Variants in FERMT2 observed in about 807,000 individuals in gnomAD.
FERMT2 encodes fermitin family homolog 2.
FERMT2 carries 15 observed loss-of-function variants against 82.7 expected under a neutral mutation model. That is an observed-to-expected ratio of 0.18 (90% CI 0.12 to 0.28). The LOEUF is 0.28. Among genes scored for constraint, FERMT2 ranks in the 10% least tolerant of loss-of-function variants. FERMT2 has a pLI of 1.00. For missense variants in FERMT2, 645 were observed against 809.4 expected (o/e 0.80, Z 2.46); for synonymous variants, 274 against 271.5 (o/e 1.01, Z -0.09).
chr14:52,877,574 C>CTTTTTTGTTTT (rs1886041963), intron 7 of FERMT2, among the ~76,000 whole-genome samples: 1 of 67,062 alleles, frequency 1.5e-5, no homozygotes, highest in Non-Finnish European at 2.5e-5. Context: ...GCTGTTCTTG[C>CTTTTTTGTTTT]TTTTTTTTTT....
intron 10 of FERMT2, among the ~76,000 whole-genome samples, chr14:52,869,503 C>A (rs1424967337): frequency 1.3e-5 from 2 of 152,130 alleles, no homozygotes; most frequent in African/African-American, 4.8e-5. Context: ...CGACAATGCC[C>A]TCATAAGACT....
At chr14:52,874,350 ATTT>A in intron 8 of FERMT2, 124 bp from the exon 9 acceptor site, 1 of 541,734 alleles carries the variant, frequency 1.8e-6, no homozygotes, top group Non-Finnish European at 3.1e-6. Flanking sequence ...AATGATAAAG[ATTT>A]AAACAACAAA....
chr14:52,923,989 TC>T (rs1196259857), intron 2 of FERMT2, among the ~76,000 whole-genome samples: 2 of 152,138 alleles, frequency 1.3e-5, no homozygotes, highest in East Asian at 3.9e-4. Flanking sequence ...TCAGTAGCAT[TC>T]CTGAAGACTC....
At chr14:52,913,986 T>C (rs1293462323) in intron 3 of FERMT2, among the ~76,000 whole-genome samples, 1 of 152,084 alleles carries the variant, frequency 6.6e-6, no homozygotes, top group Non-Finnish European at 1.5e-5. Context: ...TGTCTGTCTC[T>C]GCGTGATCTT....
At chr14:52,869,318 A>T (rs940150639) in intron 10 of FERMT2, among the ~76,000 whole-genome samples, 1 of 152,218 alleles carries the variant, frequency 6.6e-6, no homozygotes, top group Non-Finnish European at 1.5e-5. Flanking sequence ...TCTATTTTTT[A>T]AAAATTTGTG....
At chr14:52,880,343 T>G (rs1886214065) in intron 6 of FERMT2, among the ~76,000 whole-genome samples, 1 of 152,208 alleles carries the variant, frequency 6.6e-6, no homozygotes, top group Non-Finnish European at 1.5e-5. Flanking sequence ...TTTTGAAACT[T>G]TTATTTAAAT....
At chr14:52,892,227 C>T (rs1289135469) in intron 4 of FERMT2, among the ~76,000 whole-genome samples, 2 of 148,202 alleles carry the variant, frequency 1.3e-5, no homozygotes, top group African/African-American at 2.5e-5. Flanking sequence ...CTGCAACCTC[C>T]GCCTCCTGGG....
chr14:52,861,222 G>A (rs1041865394), intron 12 of FERMT2: 18 of 562,224 alleles, frequency 3.2e-5, no homozygotes, highest in Non-Finnish European at 5.3e-5. Flanking sequence ...AAATGAAAAT[G>A]AGGAAGCAGC....
chr14:52,934,923 C>G (rs988591613), intron 2 of FERMT2, among the ~76,000 whole-genome samples: 1 of 152,206 alleles, frequency 6.6e-6, no homozygotes, highest in Non-Finnish European at 1.5e-5. Flanking sequence ...TGGCCAATCA[C>G]AGATAGACTT....
At chr14:52,874,969 G>A (rs1885865321) in intron 8 of FERMT2, among the ~76,000 whole-genome samples, 1 of 152,096 alleles carries the variant, frequency 6.6e-6, no homozygotes, top group South Asian at 2.1e-4. Context: ...GTAGGAAATG[G>A]CTTGAGCCCT....
chr14:52,881,552 G>T, intron 4 of FERMT2, 83 bp from the exon 5 acceptor site: 1 of 1,087,884 alleles, frequency 9.2e-7, no homozygotes, highest in Non-Finnish European at 1.3e-6. Flanking sequence ...ATGATATAAA[G>T]CACATTGTGA....
rs536957207 is a variant in FERMT2 at position 52,947,555 on chromosome 14, A to G, written c.157+2857T>C. On this transcript the variant is annotated intron_variant, in intron 2 of 14. Coordinates refer to ENST00000341590, the MANE Select transcript of FERMT2 (RefSeq NM_006832.3). Reference sequence around the variant, plus strand: ...TTGAATTAAAGTCAAAATTCTAAAAATTGTGTTTTAATGGCCTTAAGCAAA... The same window carrying G: ...TTGAATTAAAGTCAAAATTCTAAAAGTTGTGTTTTAATGGCCTTAAGCAAA... Among the ~76,000 whole-genome samples the G allele has an allele frequency of 3.6e-3, 543 of 152,352 alleles. 6 individuals are homozygous for G. Among genetic ancestry groups the G allele is most frequent in the Non-Finnish European group, 4.1e-3 (282 of 68,038 alleles).
intron 3 of FERMT2, among the ~76,000 whole-genome samples, chr14:52,913,624 T>C (rs1361552904): frequency 6.6e-6 from 1 of 151,330 alleles, no homozygotes; most frequent in Admixed American, 6.6e-5. Context: ...GGAAATGTCA[T>C]AAGATATGAC....
intron 4 of FERMT2, among the ~76,000 whole-genome samples, chr14:52,892,794 GT>G (rs938679065): frequency 3.3e-5 from 5 of 151,890 alleles, no homozygotes; most frequent in Admixed American, 3.3e-4. Context: ...TAACCAAATA[GT>G]GGTGGTTTTC....
intron 2 of FERMT2, among the ~76,000 whole-genome samples, chr14:52,927,008 T>C (rs1889310427): frequency 6.6e-6 from 1 of 152,200 alleles, no homozygotes; most frequent in African/African-American, 2.4e-5. Context: ...CATAACAGTA[T>C]CTGACAGACA....
chr14:52,858,575 G>A, intron 14 of FERMT2, 25 bp from the exon 15 acceptor site: 1 of 1,609,798 alleles, frequency 6.2e-7, no homozygotes, highest in Non-Finnish European at 8.5e-7. Context: ...AGAGCCATCA[G>A]TGCTGTCCCA....
chr14:52,943,450 G>A (rs1180633338), intron 2 of FERMT2, among the ~76,000 whole-genome samples: 3 of 152,088 alleles, frequency 2.0e-5, no homozygotes, highest in Non-Finnish European at 4.4e-5. Context: ...AGGAGATTAA[G>A]AGGCCCTTTC....
intron 3 of FERMT2, among the ~76,000 whole-genome samples, chr14:52,899,534 G>A (rs564406573): frequency 8.5e-5 from 13 of 152,174 alleles, no homozygotes; most frequent in African/African-American, 2.9e-4. Flanking sequence ...TGCCCTCCTC[G>A]GCCTCCCAAA....
At chr14:52,893,593 C>G (rs1195180192) in intron 3 of FERMT2, among the ~76,000 whole-genome samples, 166 bp from the exon 4 acceptor site, 2 of 152,122 alleles carry the variant, frequency 1.3e-5, no homozygotes, top group Non-Finnish European at 2.9e-5. Flanking sequence ...TTAAACTACC[C>G]AAAGCATTCT....
Sources: allele counts gnomAD v4.1 joint callset (sites outside exome capture counted in the v4.1 genomes callset), GRCh38; gene constraint gnomAD v4.1.1; transcripts MANE v1.5; gene names NCBI Gene and HGNC (gene_info 2026-07-23, HGNC 2026-07-21).